Variants in MDGA2 observed in about 807,000 individuals in gnomAD.
The protein encoded by MDGA2 is MAM domain-containing glycosylphosphatidylinositol anchor protein 2.
MDGA2 carries 40 observed loss-of-function variants against 117.8 expected under a neutral mutation model. The ratio of observed to expected loss-of-function variants is 0.34; its 90% CI spans 0.26 to 0.44. MDGA2 has a LOEUF of 0.44. MDGA2 is among the 20% of genes least tolerant of loss of function. The probability of loss-of-function intolerance (pLI) is 1.00; values close to 1 mark genes in which losing one functional copy is unlikely to be tolerated. For synonymous variants in MDGA2, 452 were observed against 439.0 expected, an observed-to-expected ratio of 1.03 and a Z score of -0.37; for missense variants, 1,123 against 1,250.6, an observed-to-expected ratio of 0.90 and a Z score of 1.54.
At chr14:47,290,081 T>C (rs1027472045) in intron 2 of MDGA2, among the ~76,000 whole-genome samples, 3 of 150,780 alleles carry the variant, frequency 2.0e-5, no homozygotes, top group East Asian at 1.9e-4. Flanking sequence ...GTAAAAGACA[T>C]TTTTTTTAAG....
chr14:46,977,902 T>C (rs1042363880), intron 8 of MDGA2, among the ~76,000 whole-genome samples: 2 of 151,834 alleles, frequency 1.3e-5, no homozygotes, highest in African/African-American at 4.8e-5. Context: ...GTAGATAATG[T>C]GTTGCTTTAG....
At position 47,304,880 on chromosome 14, in the gene MDGA2, C is replaced by T. The variant is rs575638026; in HGVS notation, c.281-3330G>A. Reference sequence around the variant, plus strand: ...TATAATGTTCTCCCATCTAAGATTCCCATACCAATAATTGGACCCATGTTC... The same window carrying T: ...TATAATGTTCTCCCATCTAAGATTCTCATACCAATAATTGGACCCATGTTC... On this transcript the variant is annotated intron_variant, in intron 1 of 16. Coordinates refer to ENST00000399232, the MANE Select transcript of MDGA2 (RefSeq NM_001113498.3). Among the ~76,000 whole-genome samples the T allele has an allele frequency of 9.9e-5, 15 of 152,188 alleles. No individual in the cohort carries two copies. In the East Asian group the frequency reaches 2.3e-3, roughly 24 times the overall value.
At chr14:47,032,753 A>C (rs763841163) in intron 8 of MDGA2, among the ~76,000 whole-genome samples, 3 of 152,194 alleles carry the variant, frequency 2.0e-5, no homozygotes, top group Non-Finnish European at 2.9e-5. Context: ...TGTACTCAGG[A>C]ATATTCTGGA....
intron 9 of MDGA2, among the ~76,000 whole-genome samples, chr14:46,940,120 A>C (rs768822588): frequency 1.3e-5 from 2 of 151,368 alleles, no homozygotes; most frequent in Non-Finnish European, 2.9e-5. Flanking sequence ...ATGGAAACTT[A>C]AACTACAAGT....
chr14:47,613,203 C>T (rs1049608070), intron 1 of MDGA2, among the ~76,000 whole-genome samples: 3 of 152,102 alleles, frequency 2.0e-5, no homozygotes, highest in Non-Finnish European at 4.4e-5. Context: ...TTCCCTGTGG[C>T]CACTCAGCCA....
chr14:47,365,169 C>T (rs1405138691), intron 1 of MDGA2, among the ~76,000 whole-genome samples: 1 of 152,196 alleles, frequency 6.6e-6, no homozygotes, highest in Admixed American at 6.5e-5. Flanking sequence ...ATCCGCCTCT[C>T]AATAGTATAT....
intron 2 of MDGA2, among the ~76,000 whole-genome samples, chr14:47,264,047 G>A (rs1215399625): frequency 5.9e-5 from 9 of 151,906 alleles, no homozygotes; most frequent in Non-Finnish European, 1.0e-4. Flanking sequence ...ACCATTTCTC[G>A]AACCCATGAA....
intron 8 of MDGA2, among the ~76,000 whole-genome samples, chr14:46,969,880 C>A (rs111843149): frequency 0.11 from 15,941 of 145,280 alleles, 1,763 homozygotes; most frequent in African/African-American, 0.25. Flanking sequence ...ACATGTATAC[C>A]TATGTTAAAA....
At chr14:47,374,371 C>T (rs1337009479) in intron 1 of MDGA2, among the ~76,000 whole-genome samples, 3 of 152,002 alleles carry the variant, frequency 2.0e-5, no homozygotes, top group African/African-American at 4.8e-5. Flanking sequence ...TCTTTTCCCT[C>T]GATTTCTGGT....
intron 3 of MDGA2, among the ~76,000 whole-genome samples, chr14:47,146,341 TA>T (rs770412235): frequency 3.0e-4 from 46 of 152,320 alleles, no homozygotes; most frequent in Middle Eastern, 3.4e-3. Flanking sequence ...CCTCTAATTT[TA>T]GTAGTTTAAA....
chr14:47,311,129 T>C (rs1039287946), intron 1 of MDGA2, among the ~76,000 whole-genome samples: 4 of 152,090 alleles, frequency 2.6e-5, no homozygotes, highest in African/African-American at 9.7e-5. Flanking sequence ...CTCTGTAGAC[T>C]GAAATGTATA....
chr14:47,015,796 GAGAA>G (rs1888062971), intron 8 of MDGA2, among the ~76,000 whole-genome samples: 1 of 152,010 alleles, frequency 6.6e-6, no homozygotes, highest in Non-Finnish European at 1.5e-5. Flanking sequence ...TAAGAAGTCT[GAGAA>G]AGATACTGAT....
Position 47,561,146 on chromosome 14 carries a change from T to TTTTTTTTTTGG in MDGA2, c.280+113370_280+113371insCCAAAAAAAAA. ...AGCATGATACCTCTATCTTTGTTTT[T>TTTTTTTTTTGG]TTTTTTGTTTTGTTTTGTTTTTTTG... is the stretch of plus-strand genomic sequence containing the variant. On this transcript the variant is annotated intron_variant, in intron 1 of 16. Coordinates refer to ENST00000399232, the MANE Select transcript of MDGA2 (RefSeq NM_001113498.3). 2.2e-4 allele frequency among the ~76,000 whole-genome samples: 19 copies of TTTTTTTTTTGG among 88,112 alleles called. 1 individual carries two copies. Among genetic ancestry groups the TTTTTTTTTTGG allele is most frequent in the African/African-American group, 6.7e-4 (19 of 28,460 alleles). 57.8% of individuals were successfully genotyped at this position (88,112 alleles called of 152,430 possible).
chr14:47,586,835 T>C (rs2138850892), intron 1 of MDGA2, among the ~76,000 whole-genome samples: 1 of 150,928 alleles, frequency 6.6e-6, no homozygotes, highest in South Asian at 2.1e-4. Context: ...ATAAGTGGTC[T>C]CCACATGCTT....
At chr14:47,522,201 A>G (rs1393223316) in intron 1 of MDGA2, among the ~76,000 whole-genome samples, 2 of 152,128 alleles carry the variant, frequency 1.3e-5, no homozygotes, top group African/African-American at 2.4e-5. Context: ...TATGCCAATG[A>G]TTTTTCTCTT....
rs1290420421 is a variant in MDGA2, at chr14:46,957,744, T to TAGAGG, written c.1820-106_1820-102dup. ...CCATTTGCAGTAACACATGCAGCAA[T>TAGAGG]AGAGGAGGAGTGTAGGAGGTGAATG... On this transcript the variant is annotated intron_variant, in intron 8 of 16. Transcript: ENST00000399232. 6.9e-6 allele frequency: 9 copies of TAGAGG among 1,296,756 alleles called. No individual in the cohort carries two copies. The African/African-American group carries it at 1.3e-4, about 19-fold the overall frequency. 80.3% of individuals were successfully genotyped at this position (1,296,756 alleles called of 1,614,324 possible).
At chr14:47,655,265 AAAAACACTGTTATCC>A (rs1340041127) in intron 1 of MDGA2, among the ~76,000 whole-genome samples, 1 of 152,162 alleles carries the variant, frequency 6.6e-6, no homozygotes, top group Admixed American at 6.5e-5. Context: ...TTGATCTAGC[AAAAACACTGTTATCC>A]ATCTCTACCA....
intron 2 of MDGA2, among the ~76,000 whole-genome samples, chr14:47,275,975 T>G (rs1453329623): frequency 6.6e-6 from 1 of 152,134 alleles, no homozygotes; most frequent in African/African-American, 2.4e-5. Context: ...ATTCAAGGGT[T>G]TGACTAGACA....
chr14:47,014,833 G>A (rs1362005814), intron 8 of MDGA2, among the ~76,000 whole-genome samples: 1 of 152,110 alleles, frequency 6.6e-6, no homozygotes, highest in African/African-American at 2.4e-5. Flanking sequence ...CACTGGAGTA[G>A]CACTTTTAGT....
Sources: gnomAD v4.1 joint callset for allele counts (sites outside exome capture counted in the v4.1 genomes callset) on GRCh38, gnomAD v4.1.1 for gene constraint, MANE v1.5 for transcripts, NCBI Gene and HGNC (gene_info 2026-07-23, HGNC 2026-07-21) for gene names.